Variants in SOCS6 observed in about 807,000 individuals in gnomAD.
SOCS6 encodes STAT induced STAT inhibitor-4.
A neutral mutation model predicts 27.7 loss-of-function variants in SOCS6; 5 were observed. That is an observed-to-expected ratio of 0.18 (90% CI 0.09 to 0.38). The LOEUF is 0.38. SOCS6 is among the 10% of genes least tolerant of loss of function. The pLI is 1.00. For missense variants in SOCS6, 595 were observed against 688.1 expected (o/e 0.86, Z 1.51); for synonymous variants, 271 against 260.0 (o/e 1.04, Z -0.41).
At chr18:70,318,680 G>A (rs529386899) in intron 1 of SOCS6, among the ~76,000 whole-genome samples, 2 of 151,914 alleles carry the variant, frequency 1.3e-5, no homozygotes, top group African/African-American at 2.4e-5. Context: ...GCTCACGCCT[G>A]TAATCCCAGC....
In SOCS6 at chr18:70,324,998, CAT is replaced by C; in HGVS notation, c.332_333del (p.Ile111SerfsTer3). ...ACACCTTCTCCTCCTCCTCAGCACC[CAT>C]AGTCTTTAAAGACGTGAGAGCTCAG... The part of the protein sequence containing the change: ...EDTFSSSSAP[I>X]VFKDVRAQRP... On this transcript the variant is annotated frameshift_variant, in exon 2 of 2. Coordinates refer to ENST00000397942, the MANE Select transcript of SOCS6 (RefSeq NM_004232.4). LOFTEE classifies it high-confidence loss of function. The C allele has an allele frequency of 6.2e-7, 1 of 1,614,156 alleles. No individual in the cohort carries two copies. Among genetic ancestry groups the C allele is most frequent in the Non-Finnish European group, 8.5e-7 (1 of 1,180,014 alleles).
intron 1 of SOCS6, among the ~76,000 whole-genome samples, chr18:70,306,332 G>A (rs1324899150): frequency 6.6e-6 from 1 of 151,656 alleles, no homozygotes; most frequent in African/African-American, 2.4e-5. Context: ...AAATTAGCTG[G>A]GTGTGGTGGC....
Position 70,324,680 on chromosome 18 carries a change from T to G in SOCS6, c.12T>G (p.Ile4Met). 6.4e-7 allele frequency: 1 copy of G among 1,571,916 alleles called. No individual in the cohort carries two copies. Among genetic ancestry groups the G allele is most frequent in the Non-Finnish European group, 8.7e-7 (1 of 1,154,098 alleles). Residue 4 changes from isoleucine (I) to methionine (M), a missense_variant, in exon 2 of 2, where the codon ATT (isoleucine) becomes ATG (methionine). Coordinates refer to ENST00000397942, the MANE Select transcript of SOCS6 (RefSeq NM_004232.4). ...GGTAACTAGTCATAATGAAGAAAAT[T>G]AGTCTTAAAACCTTACGGAAATCTT... Reference protein sequence around the residue: MKKISLKTLRKSFN... With the variant: MKKMSLKTLRKSFN...
At chr18:70,296,929 CTCT>C (rs966377196) in intron 1 of SOCS6, among the ~76,000 whole-genome samples, 1 of 119,314 alleles carries the variant, frequency 8.4e-6, no homozygotes, top group African/African-American at 2.8e-5. Flanking sequence ...CTGTCTTAAG[CTCT>C]TCTTCATTGG....
intron 1 of SOCS6, among the ~76,000 whole-genome samples, chr18:70,300,334 G>T (rs1396331883): frequency 6.6e-6 from 1 of 151,954 alleles, no homozygotes; most frequent in Non-Finnish European, 1.5e-5. Context: ...TCACCACGTG[G>T]GCCAGGCTAG....
At chr18:70,301,212 G>A (rs2062346863) in intron 1 of SOCS6, among the ~76,000 whole-genome samples, 1 of 152,182 alleles carries the variant, frequency 6.6e-6, no homozygotes, top group African/African-American at 2.4e-5. Flanking sequence ...GTCAGCATCT[G>A]TCCCAGTTTG....
chr18:70,289,814 T>G (rs1203754077), intron 1 of SOCS6, among the ~76,000 whole-genome samples: 1 of 152,174 alleles, frequency 6.6e-6, no homozygotes, highest in Admixed American at 6.5e-5. Flanking sequence ...AAACCGCTCC[T>G]GGGACCGACA....
At chr18:70,301,230 A>G (rs1204310079) in intron 1 of SOCS6, among the ~76,000 whole-genome samples, 1 of 152,214 alleles carries the variant, frequency 6.6e-6, no homozygotes, top group Admixed American at 6.5e-5. Context: ...TTGCTGAGAC[A>G]TGTTGAGAAT....
intron 1 of SOCS6, among the ~76,000 whole-genome samples, chr18:70,296,387 C>T (rs140501818): frequency 1.8e-4 from 28 of 152,320 alleles, no homozygotes; most frequent in Non-Finnish European, 3.7e-4. Context: ...TGGACGCCGC[C>T]TCCCTTGGCC....
chr18:70,290,805 T>C (rs117880096), intron 1 of SOCS6, among the ~76,000 whole-genome samples: 5,408 of 152,338 alleles, frequency 0.035, 173 homozygotes, highest in Non-Finnish European at 0.045. Flanking sequence ...ACTGTTTCTC[T>C]CTTACCTTTA....
intron 1 of SOCS6, among the ~76,000 whole-genome samples, chr18:70,297,321 A>T (rs189287965): frequency 6.6e-6 from 1 of 150,888 alleles, no homozygotes; most frequent in Non-Finnish European, 1.5e-5. Flanking sequence ...TGATGGAGAT[A>T]AAGAAGTGTA....
chr18:70,294,004 T>G (rs1301528851), intron 1 of SOCS6, among the ~76,000 whole-genome samples: 1 of 151,786 alleles, frequency 6.6e-6, no homozygotes, highest in African/African-American at 2.4e-5. Context: ...GACAGGAGAA[T>G]TGCTTGAACC....
chr18:70,328,335 C>T lies in SOCS6; in HGVS notation c.*2059C>T, dbSNP rs748538445. The T allele has an allele frequency of 3.6e-5, 6 of 166,830 alleles. No individual in the cohort carries two copies. Among genetic ancestry groups the T allele is most frequent in the African/African-American group, 9.7e-5 (4 of 41,390 alleles). 10.3% of individuals were successfully genotyped at this position (166,830 alleles called of 1,614,324 possible). A position where few individuals can be genotyped will look rare whatever the true frequency, so the allele number is the denominator to read the frequency against. On this transcript the variant is annotated 3_prime_UTR_variant, in exon 2 of 2. Coordinates refer to ENST00000397942, the MANE Select transcript of SOCS6 (RefSeq NM_004232.4). Reference sequence around the variant, plus strand: ...ATAATAAATGTTGAAATGGCTTCTCCGTGTCTCCAGAAGCATTTACATGTC... The same window carrying T: ...ATAATAAATGTTGAAATGGCTTCTCTGTGTCTCCAGAAGCATTTACATGTC...
chr18:70,289,657 G>A (rs1849598272), intron 1 of SOCS6, among the ~76,000 whole-genome samples: 1 of 149,916 alleles, frequency 6.7e-6, no homozygotes, highest in African/African-American at 2.4e-5. Flanking sequence ...CCTGGGGCGC[G>A]GCGCTGGGAC....
chr18:70,309,232 G>GT (rs1050574014), intron 1 of SOCS6, among the ~76,000 whole-genome samples: 1 of 151,550 alleles, frequency 6.6e-6, no homozygotes, highest in African/African-American at 2.4e-5. Flanking sequence ...TCACTTTTTT[G>GT]TTTTTTTATC....
intron 1 of SOCS6, among the ~76,000 whole-genome samples, chr18:70,322,211 G>A (rs1452512750): frequency 6.6e-6 from 1 of 152,086 alleles, no homozygotes; most frequent in Admixed American, 6.6e-5. Flanking sequence ...ACTTAGGCAC[G>A]AGACAGATGG....
At chr18:70,313,239 C>G (rs1169991334) in intron 1 of SOCS6, among the ~76,000 whole-genome samples, 1 of 151,882 alleles carries the variant, frequency 6.6e-6, no homozygotes, top group East Asian at 1.9e-4. Flanking sequence ...GTGCTTTGCC[C>G]GTTTGCTTAT....
chr18:70,304,373 A>G lies in SOCS6; in HGVS notation c.-127+15283A>G, dbSNP rs148825459. ...ACACTTCAATCATCGCTTTCCTGCA[A>G]TCGGGGAAAAAAAAAACTTTGCTTA... On this transcript the variant is annotated intron_variant, in intron 1 of 1. Transcript: ENST00000397942. Among the ~76,000 whole-genome samples, 108 of 145,046 alleles carry G rather than the reference A, an allele frequency of 7.4e-4. 2 individuals are homozygous for G. Among genetic ancestry groups the G allele is most frequent in the Admixed American group, 6.6e-3 (98 of 14,772 alleles).
At chr18:70,302,318 G>A (rs1411305306) in intron 1 of SOCS6, among the ~76,000 whole-genome samples, 8 of 151,860 alleles carry the variant, frequency 5.3e-5, no homozygotes, top group Admixed American at 4.6e-4. Flanking sequence ...TTAAATGAGG[G>A]AGTGTTCCAG....
Sources: gnomAD v4.1 joint callset for allele counts (sites outside exome capture counted in the v4.1 genomes callset) on GRCh38, gnomAD v4.1.1 for gene constraint, MANE v1.5 for transcripts, NCBI Gene and HGNC (gene_info 2026-07-23, HGNC 2026-07-21) for gene names.